The following TBC1D15 variants were observed in gnomAD, a reference collection of about 807,000 sequenced individuals.
TBC1D15 encodes GAP for RAB7.
A neutral mutation model predicts 95.4 loss-of-function variants in TBC1D15; 39 were observed. The ratio of observed to expected loss-of-function variants is 0.41; its 90% CI spans 0.32 to 0.53. TBC1D15 has a LOEUF of 0.53. TBC1D15 is among the 20% of genes least tolerant of loss of function. The pLI is 0.29. For missense variants in TBC1D15, 733 were observed against 794.3 expected, an observed-to-expected ratio of 0.92 and a Z score of 0.93; for synonymous variants, 258 against 261.3, an observed-to-expected ratio of 0.99 and a Z score of 0.12.
At chr12:71,865,028 G>A (rs947557108) in intron 1 of TBC1D15, among the ~76,000 whole-genome samples, 1 of 152,170 alleles carries the variant, frequency 6.6e-6, no homozygotes, top group African/African-American at 2.4e-5. Flanking sequence ...CCTCACAACA[G>A]GAGACTTAGC....
rs149986789 is a variant in TBC1D15, at chr12:71,921,882, A to G, written c.1803+428A>G. Among the ~76,000 whole-genome samples, 10 of 152,350 alleles carry G rather than the reference A, an allele frequency of 6.6e-5. No homozygotes were observed. The East Asian group carries it at 1.9e-3, about 29-fold the overall frequency. Reference sequence around the variant, plus strand: ...TAGTCAAGTTATTAATTATTTTAAAACAAGGCAAATTTGATGTATTATCTG... The same window carrying G: ...TAGTCAAGTTATTAATTATTTTAAAGCAAGGCAAATTTGATGTATTATCTG... On this transcript the variant is annotated intron_variant, in intron 16 of 16. Coordinates refer to ENST00000485960, the MANE Select transcript of TBC1D15 (RefSeq NM_001146213.3).
intron 12 of TBC1D15, among the ~76,000 whole-genome samples, 190 bp from the exon 13 acceptor site, chr12:71,917,508 G>T (rs1239568543): frequency 6.6e-6 from 1 of 152,088 alleles, no homozygotes; most frequent in Non-Finnish European, 1.5e-5. Context: ...AGTTTTGAGA[G>T]CAAGGATTCT....
chr12:71,881,168 G>A (rs927366583), intron 4 of TBC1D15, among the ~76,000 whole-genome samples: 3 of 152,132 alleles, frequency 2.0e-5, no homozygotes, highest in Non-Finnish European at 1.5e-5. Flanking sequence ...TTCCTGTCAC[G>A]TAGCGACATC....
At chr12:71,844,161 A>C (rs938769961) in intron 1 of TBC1D15, among the ~76,000 whole-genome samples, 1 of 152,178 alleles carries the variant, frequency 6.6e-6, no homozygotes, top group African/African-American at 2.4e-5. Flanking sequence ...GCCTTAGTTC[A>C]AGCAACCATG....
Position 71,895,966 on chromosome 12 carries a change from CTGT to C in TBC1D15, c.880_882del (p.Val294del), listed in dbSNP as rs1898074312. On this transcript the variant is annotated inframe_deletion, in exon 8 of 17. Coordinates refer to ENST00000485960, the MANE Select transcript of TBC1D15 (RefSeq NM_001146213.3). ...TTTTAGATTGATTTGGGGGAACGCC[CTGT>C]TGTTCAAAGGAGAGAACCGGTATCA... 6.2e-7 allele frequency: 1 copy of C among 1,611,910 alleles called. No homozygotes were observed. The highest frequency in any genetic ancestry group is 8.5e-7 in the Non-Finnish European group (1 of 1,178,646).
chr12:71,898,027 A>G (rs1898574181), intron 10 of TBC1D15, 86 bp downstream of exon 10: 2 of 948,360 alleles, frequency 2.1e-6, no homozygotes, highest in Admixed American at 4.0e-5. Context: ...ATACATGGTA[A>G]TAGCACTAGG....
chr12:71,866,520 A>C (rs1430375440), intron 1 of TBC1D15, among the ~76,000 whole-genome samples: 1 of 152,122 alleles, frequency 6.6e-6, no homozygotes, highest in Non-Finnish European at 1.5e-5. Context: ...ATGGGATCCC[A>C]ATATTTCCTT....
At chr12:71,844,279 A>C (rs1417700947) in intron 1 of TBC1D15, among the ~76,000 whole-genome samples, 1 of 152,194 alleles carries the variant, frequency 6.6e-6, no homozygotes, top group Admixed American at 6.5e-5. Context: ...CTTCAGGATA[A>C]ATTTCAAACT....
intron 12 of TBC1D15, among the ~76,000 whole-genome samples, chr12:71,915,534 G>A (rs1903499332): frequency 6.6e-6 from 1 of 150,500 alleles, no homozygotes; most frequent in Non-Finnish European, 1.5e-5. Flanking sequence ...ATCCAATATT[G>A]GCATGTAAAT....
intron 10 of TBC1D15, among the ~76,000 whole-genome samples, chr12:71,902,567 C>A (rs1319776902): frequency 6.6e-6 from 1 of 152,090 alleles, no homozygotes; most frequent in African/African-American, 2.4e-5. Context: ...TCACCATATA[C>A]AAAAATCAGT....
chr12:71,883,574 A>G (rs1003969110), intron 4 of TBC1D15, among the ~76,000 whole-genome samples: 1 of 152,160 alleles, frequency 6.6e-6, no homozygotes, highest in Non-Finnish European at 1.5e-5. Context: ...ATTAGAGATG[A>G]TTGCAGATAG....
intron 6 of TBC1D15, chr12:71,894,366 C>T: frequency 6.2e-7 from 1 of 1,612,888 alleles, no homozygotes; most frequent in Non-Finnish European, 8.5e-7. Context: ...GGGCCATTCA[C>T]CACTGGAAAG....
intron 5 of TBC1D15, among the ~76,000 whole-genome samples, chr12:71,885,706 T>C (rs1286522528): frequency 1.3e-5 from 2 of 151,474 alleles, no homozygotes; most frequent in African/African-American, 4.9e-5. Flanking sequence ...GCTTTGGGAG[T>C]TCCTGGGAAG....
chr12:71,873,983 CTG>C (rs755614201), intron 3 of TBC1D15, among the ~76,000 whole-genome samples: 20 of 152,316 alleles, frequency 1.3e-4, no homozygotes, highest in Non-Finnish European at 2.8e-4. Context: ...ATGGTGTCCT[CTG>C]TGTGTTTTCA....
chr12:71,856,863 G>T (rs987829602), intron 1 of TBC1D15, among the ~76,000 whole-genome samples: 3 of 152,134 alleles, frequency 2.0e-5, no homozygotes, highest in African/African-American at 7.2e-5. Context: ...AAAACTTGTA[G>T]AGTAGACCTT....
intron 1 of TBC1D15, among the ~76,000 whole-genome samples, chr12:71,870,763 G>A (rs1208822863): frequency 6.6e-6 from 1 of 152,166 alleles, no homozygotes; most frequent in Non-Finnish European, 1.5e-5. Context: ...GTAGAATGTA[G>A]TTATATAATC....
chr12:71,864,885 C>T (rs975152712), intron 1 of TBC1D15, among the ~76,000 whole-genome samples: 1 of 152,184 alleles, frequency 6.6e-6, no homozygotes, highest in Non-Finnish European at 1.5e-5. Context: ...ATAGTATCCA[C>T]GTAGCTTATT....
intron 1 of TBC1D15, among the ~76,000 whole-genome samples, chr12:71,865,755 A>G (rs1891353200): frequency 6.6e-6 from 1 of 152,022 alleles, no homozygotes; most frequent in Non-Finnish European, 1.5e-5. Flanking sequence ...TCTCTCGGAT[A>G]TGGGGTACTG....
intron 1 of TBC1D15, among the ~76,000 whole-genome samples, chr12:71,859,167 T>C (rs1015597119): frequency 1.1e-4 from 16 of 152,034 alleles, no homozygotes; most frequent in Admixed American, 6.6e-4. Flanking sequence ...AGATACAGAG[T>C]TTATTTGGGC....
Sources: allele counts gnomAD v4.1 joint callset (sites outside exome capture counted in the v4.1 genomes callset), GRCh38; gene constraint gnomAD v4.1.1; transcripts MANE v1.5; gene names NCBI Gene and HGNC (gene_info 2026-07-23, HGNC 2026-07-21).